Variants in EPS15L1 observed in about 807,000 individuals in gnomAD.
The protein encoded by EPS15L1 is epidermal growth factor receptor pathway substrate 15 like 1.
EPS15L1 carries 43 observed loss-of-function variants against 117.1 expected under a neutral mutation model. That is an observed-to-expected ratio of 0.37 (90% confidence interval 0.29 to 0.47). EPS15L1 has a LOEUF of 0.47. Ranked by LOEUF, EPS15L1 falls within the 20% of genes least tolerant of loss-of-function variation. The pLI, the probability that EPS15L1 is intolerant of heterozygous loss-of-function variation, is 0.99. For synonymous variants in EPS15L1, 459 were observed against 470.5 expected, an observed-to-expected ratio of 0.98 and a Z score of 0.32; for missense variants, 981 against 1,164.0, an observed-to-expected ratio of 0.84 and a Z score of 2.29.
intron 8 of EPS15L1, among the ~76,000 whole-genome samples, 164 bp from the exon 9 acceptor site, chr19:16,425,480 T>C (rs2092862741): frequency 1.3e-5 from 2 of 152,222 alleles, no homozygotes; most frequent in Admixed American, 6.5e-5. Flanking sequence ...GAGTTATCTT[T>C]TATGTGTAAC....
rs768437608 is a variant in EPS15L1 at position 16,361,898 on chromosome 19, C to T, written c.2467G>A (p.Asp823Asn). ...AACCCCTTTTTACTTTGGAACGGGT[C>T]GCCGCTGTCAGCCCCGAGTGGCTGG... ...PFQPLGADSGDPFQSKKGFGD... is the reference protein window; with the variant it reads ...PFQPLGADSGNPFQSKKGFGD... Residue 823 changes from aspartate (D) to asparagine (N), a missense_variant, in exon 23 of 24, where the codon GAC becomes AAC. Physicochemically the swap from Asp to Asn is conservative, Grantham distance 23. Transcript: ENST00000455140. The T allele has an allele frequency of 1.9e-6, 3 of 1,614,038 alleles. No homozygotes were observed. The highest frequency in any genetic ancestry group is 2.7e-5 in the African/African-American group (2 of 74,994).
chr19:16,403,829 C>G lies in EPS15L1; in HGVS notation c.1530G>C (p.Gln510His). The G allele has an allele frequency of 6.2e-7, 1 of 1,614,166 alleles. No homozygotes were observed. Among genetic ancestry groups the G allele is most frequent in the Non-Finnish European group, 8.5e-7 (1 of 1,180,030 alleles). ...TGCTCTGCTCCAGCTGGGTTTCCTC[C>G]TGCTGCAATCGGTTCAGCTCCGACT... The part of the protein sequence containing the change: ...RAKSELNRLQ[Q>H]EETQLEQSIQ... The change falls in exon 15 of 24, where the codon CAG becomes CAC. Residue 510 changes from glutamine (Q) to histidine (H), a missense_variant. By Grantham distance (24) the Gln-to-His change is conservative (BLOSUM62 0). Around this residue, in one of 5 missense-constraint regions of EPS15L1, gnomAD observed 819 missense variants for 949.0 expected, o/e 0.86. Coordinates refer to ENST00000455140, the MANE Select transcript of EPS15L1 (RefSeq NM_001258374.3).
intron 1 of EPS15L1, among the ~76,000 whole-genome samples, chr19:16,446,286 T>C (rs571107745): frequency 6.6e-6 from 1 of 152,296 alleles, no homozygotes; most frequent in African/African-American, 2.4e-5. Flanking sequence ...TTCACCCAAC[T>C]CTGATCCCCG....
intron 22 of EPS15L1, among the ~76,000 whole-genome samples, chr19:16,367,779 A>G (rs1030875754): frequency 1.3e-5 from 2 of 151,558 alleles, no homozygotes; most frequent in African/African-American, 4.8e-5. Flanking sequence ...AAAACCCAAA[A>G]AACAACAAAC....
intron 13 of EPS15L1, chr19:16,413,378 C>T (rs934028116): frequency 2.9e-6 from 2 of 694,162 alleles, no homozygotes; most frequent in African/African-American, 1.8e-5. Context: ...CAGCCAGGGG[C>T]TGCACTGCCA....
intron 16 of EPS15L1, among the ~76,000 whole-genome samples, chr19:16,396,002 G>C (rs1474331177): frequency 1.3e-5 from 2 of 151,864 alleles, no homozygotes; most frequent in Admixed American, 6.6e-5. Flanking sequence ...CAGCTACTTG[G>C]GAGGTTGACT....
intron 1 of EPS15L1, among the ~76,000 whole-genome samples, chr19:16,465,644 T>G (rs915096955): frequency 2.6e-5 from 4 of 152,160 alleles, no homozygotes; most frequent in Non-Finnish European, 5.9e-5. Context: ...ATTGCACCAC[T>G]GTACTCCAGC....
rs376491057 is a variant in EPS15L1, at chr19:16,377,196, G to C, written c.2306C>G (p.Pro769Arg). 6.2e-7 allele frequency: 1 copy of C among 1,613,116 alleles called. No homozygotes were observed. Among genetic ancestry groups the C allele is most frequent in the Non-Finnish European group, 8.5e-7 (1 of 1,179,506 alleles). The change falls in exon 22 of 24, where the codon CCC becomes CGC. Residue 769 changes from proline (P) to arginine (R), a missense_variant. This residue lies in a region of EPS15L1 where 819 missense variants were observed against 949.0 expected (regional missense o/e 0.86). Transcript: ENST00000455140. ...SLGGAGFSDD[P>R]FKSKQDTPAL... ...AGGAGTGTCCTGTTTACTTTTAAAG[G>C]GGTCATCTGAGAATCCTGCCCCTCC...
At position 16,428,714 on chromosome 19, in the gene EPS15L1, A is replaced by G; in HGVS notation, c.546T>C (p.Asp182=). The G allele has an allele frequency of 1.2e-6, 2 of 1,611,498 alleles. No individual in the cohort carries two copies. The highest frequency in any genetic ancestry group is 8.5e-7 in the Non-Finnish European group (1 of 1,179,064). The change falls in exon 8 of 24, where the codon GAT becomes GAC. Residue 182 remains aspartate, a synonymous_variant. Transcript: ENST00000455140. ...DIDKDGHLDR[D]EFAVAMHLVY... ...CAGCAGGACTTACCACAGCGAACTC[A>G]TCTCGATCCAAGTGCCCATCCTTGT...
intron 21 of EPS15L1, among the ~76,000 whole-genome samples, chr19:16,378,735 A>G (rs980196329): frequency 6.6e-6 from 1 of 152,136 alleles, no homozygotes; most frequent in Non-Finnish European, 1.5e-5. Flanking sequence ...TCCATCAGCC[A>G]CAGAAGGGCC....
In EPS15L1 at chr19:16,370,060, G is replaced by A. The variant is rs537288115; in HGVS notation, c.2380+7062C>T. ...CACATGTAACAAGATCCCTGAGAAC[G>A]CCGTGCAGCGAGTCTGAAAGCTGGT... On this transcript the variant is annotated intron_variant, in intron 22 of 23. Transcript: ENST00000455140. The surrounding 1 kb of genome is among the most constrained non-coding windows in gnomAD (Gnocchi z 5.2). Among the ~76,000 whole-genome samples the A allele has an allele frequency of 2.2e-4, 33 of 152,318 alleles. No homozygotes were observed. The highest frequency in any genetic ancestry group is 3.4e-3 in the Middle Eastern group (1 of 294).
rs944555787 is a variant in EPS15L1, at chr19:16,383,482, T to C, written c.2247+1647A>G. On this transcript the variant is annotated intron_variant, in intron 21 of 23. Transcript: ENST00000455140. This position sits in a 1 kb window ranked among gnomAD's most constrained non-coding sequence, Gnocchi z 5.2. ...AACGTTTTCTGCTTTCGGGAGATGG[T>C]TTCCCGCCTGCCCAGGAGCCTGTGC... is the stretch of plus-strand genomic sequence containing the variant. The C allele has an allele frequency of 6.6e-6, 1 of 152,174 alleles. No homozygotes were observed. Among genetic ancestry groups the C allele is most frequent in the Non-Finnish European group, 1.5e-5 (1 of 68,042 alleles). 9.4% of individuals were successfully genotyped at this position (152,174 alleles called of 1,614,324 possible).
chr19:16,417,430 C>G, intron 12 of EPS15L1, 122 bp downstream of exon 12: 3 of 795,312 alleles, frequency 3.8e-6, no homozygotes, highest in Non-Finnish European at 6.3e-6. Flanking sequence ...TGTATCTTTT[C>G]CTTCCTTCTG....
intron 7 of EPS15L1, among the ~76,000 whole-genome samples, chr19:16,431,276 A>G (rs137966691): frequency 6.6e-6 from 1 of 150,628 alleles, no homozygotes; most frequent in African/African-American, 2.4e-5. Context: ...AATAAATAAT[A>G]CTTATATTTA....
intron 16 of EPS15L1, among the ~76,000 whole-genome samples, chr19:16,399,740 G>C (rs2092578378): frequency 6.6e-6 from 1 of 151,544 alleles, no homozygotes; most frequent in Admixed American, 6.6e-5. Flanking sequence ...GAGTGCAGTG[G>C]CACGCAGCTG....
chr19:16,449,432 G>A (rs550007069), intron 1 of EPS15L1, among the ~76,000 whole-genome samples: 42 of 152,190 alleles, frequency 2.8e-4, no homozygotes, highest in Non-Finnish European at 5.0e-4. Context: ...ACAGTGAGAT[G>A]CCACTGCACG....
At chr19:16,432,373 C>T (rs1418204224) in intron 7 of EPS15L1, among the ~76,000 whole-genome samples, 2 of 152,146 alleles carry the variant, frequency 1.3e-5, no homozygotes, top group African/African-American at 2.4e-5. Context: ...TCGAGACCAT[C>T]CTGGCTGACA....
rs942725994 is a variant in EPS15L1 at position 16,442,343 on chromosome 19, C to T, written c.34-124G>A. The T allele has an allele frequency of 1.0e-5, 7 of 678,962 alleles. No homozygotes were observed. The African/African-American group carries it at 1.3e-4, about 12-fold the overall frequency. 42.1% of individuals were successfully genotyped at this position (678,962 alleles called of 1,614,324 possible). A position where few individuals can be genotyped will look rare whatever the true frequency, so the allele number is the denominator to read the frequency against. On this transcript the variant is annotated intron_variant, in intron 1 of 23. Transcript: ENST00000455140. Reference sequence around the variant, plus strand: ...GATAGTTAGAGTCAAAATGCATGCACTTTAAACATCCTCTGAACACAGAAT... The same window carrying T: ...GATAGTTAGAGTCAAAATGCATGCATTTTAAACATCCTCTGAACACAGAAT...
chr19:16,439,371 T>C (rs1049263574), intron 4 of EPS15L1, among the ~76,000 whole-genome samples: 1 of 152,206 alleles, frequency 6.6e-6, no homozygotes, highest in African/African-American at 2.4e-5. Flanking sequence ...AAATTTATTT[T>C]CCATAGGAAT....
Sources: allele counts gnomAD v4.1 joint callset (sites outside exome capture counted in the v4.1 genomes callset), GRCh38; gene constraint gnomAD v4.1.1; regional missense constraint gnomAD v4.1.1; non-coding constraint Gnocchi (gnomAD v3.1); transcripts MANE v1.5; gene names NCBI Gene and HGNC (gene_info 2026-07-23, HGNC 2026-07-21).